TNR: variants seen among roughly 807,000 people sequenced by gnomAD.
TNR encodes tenascin-R.
In TNR, 45 loss-of-function variants were observed where a neutral mutation model predicts 150.4. That is an observed-to-expected ratio of 0.30 (90% CI 0.24 to 0.38). The LOEUF is 0.38. Ranked by LOEUF, TNR falls within the 10% of genes least tolerant of loss-of-function variation. The pLI, the probability that TNR is intolerant of heterozygous loss-of-function variation, is 1.00. For synonymous variants in TNR, 687 were observed against 678.4 expected, an observed-to-expected ratio of 1.01 and a Z score of -0.20; for missense variants, 1,544 against 1,759.1, an observed-to-expected ratio of 0.88 and a Z score of 2.19.
chr1:175,515,948 G>A (rs1659388800), intron 2 of TNR, among the ~76,000 whole-genome samples: 2 of 152,228 alleles, frequency 1.3e-5, no homozygotes, highest in Admixed American at 1.3e-4. Flanking sequence ...AAACCTGGAA[G>A]GTTCTTGTTG....
In TNR at chr1:175,529,766, C is replaced by G. The variant is rs181728198; in HGVS notation, c.-164-1397G>C. On this transcript the variant is annotated intron_variant, in intron 1 of 22. Coordinates refer to ENST00000367674, the MANE Select transcript of TNR (RefSeq NM_003285.3). ...CAACTCCCCCTCCTGTTTGCTTCCA[C>G]CCACTGACCTTTCTTTTCCTCATCC... Among the ~76,000 whole-genome samples, 998 of 152,290 alleles carry G rather than the reference C, an allele frequency of 6.6e-3. 7 individuals are homozygous for G. The highest frequency in any genetic ancestry group is 0.01 in the Non-Finnish European group (706 of 68,026).
chr1:175,728,182 T>C (rs1027534673), intron 1 of TNR, among the ~76,000 whole-genome samples: 1 of 152,164 alleles, frequency 6.6e-6, no homozygotes, highest in Admixed American at 6.5e-5. Context: ...TGGTGGACTC[T>C]AAGCCTCGTA....
At chr1:175,674,734 G>T (rs1163753967) in intron 1 of TNR, among the ~76,000 whole-genome samples, 1 of 152,164 alleles carries the variant, frequency 6.6e-6, no homozygotes. Context: ...TCCCTGGGTA[G>T]TTCCTCCCCA....
chr1:175,668,210 T>G (rs567535078), intron 1 of TNR, among the ~76,000 whole-genome samples: 45 of 152,242 alleles, frequency 3.0e-4, no homozygotes, highest in Non-Finnish European at 6.2e-4. Context: ...GAAATTTGCT[T>G]GAGGGAAATT....
intron 18 of TNR, among the ~76,000 whole-genome samples, chr1:175,351,936 A>G (rs1651072699): frequency 6.6e-6 from 1 of 152,202 alleles, no homozygotes; most frequent in Non-Finnish European, 1.5e-5. Flanking sequence ...CCTGGTGTCA[A>G]CTGGAGTCTT....
intron 1 of TNR, among the ~76,000 whole-genome samples, chr1:175,734,045 TATGAGAAGG>T (rs1257164049): frequency 3.6e-4 from 55 of 152,280 alleles, no homozygotes; most frequent in Admixed American, 9.8e-4. Context: ...CTGGTGACAG[TATGAGAAGG>T]GAACAGGGCT....
intron 2 of TNR, among the ~76,000 whole-genome samples, chr1:175,449,097 C>T (rs968530998): frequency 6.7e-6 from 1 of 148,532 alleles, no homozygotes; most frequent in African/African-American, 2.6e-5. Context: ...TGCAAAGACT[C>T]TGAACTGTCT....
intron 4 of TNR, among the ~76,000 whole-genome samples, chr1:175,398,611 T>G (rs10912969): frequency 0.46 from 69,536 of 151,876 alleles, 16,204 homozygotes; most frequent in East Asian, 0.65. Context: ...GCTAACCACT[T>G]TTACATAGAT....
chr1:175,459,427 G>C (rs1416186376), intron 2 of TNR, among the ~76,000 whole-genome samples: 6 of 152,208 alleles, frequency 3.9e-5, no homozygotes, highest in Admixed American at 3.9e-4. Flanking sequence ...TCACACCAGT[G>C]CAAAATGAGT....
At chr1:175,385,528 A>G (rs533959647) in intron 8 of TNR, among the ~76,000 whole-genome samples, 1 of 152,306 alleles carries the variant, frequency 6.6e-6, no homozygotes, top group South Asian at 2.1e-4. Context: ...ATTGGTCAGA[A>G]GTTCTGCTTA....
chr1:175,350,814 G>C (rs1314502262), intron 18 of TNR, among the ~76,000 whole-genome samples: 1 of 152,124 alleles, frequency 6.6e-6, no homozygotes, highest in Non-Finnish European at 1.5e-5. Context: ...TGCTTACAAT[G>C]AACCTCTTAT....
rs1654106154 is a variant in TNR, at chr1:175,409,410, G to A, written c.-63-2633C>T. On this transcript the variant is annotated intron_variant, in intron 2 of 22. Transcript: ENST00000367674. ...GACAGGGAAATTAAGAGAGAAAAATGTTAGGTCCTACACTTTTAGGTCCAA... is the reference window on the plus strand; with the variant it reads ...GACAGGGAAATTAAGAGAGAAAAATATTAGGTCCTACACTTTTAGGTCCAA... Among the ~76,000 whole-genome samples the A allele has an allele frequency of 2.0e-5, 3 of 152,094 alleles. No homozygotes were observed. In the South Asian group the frequency reaches 6.2e-4, roughly 32 times the overall value.
chr1:175,365,759 A>G (rs1424426672), intron 11 of TNR, 116 bp downstream of exon 11: 17 of 1,439,782 alleles, frequency 1.2e-5, no homozygotes, highest in Non-Finnish European at 1.5e-5. Flanking sequence ...TTTTCTACCC[A>G]CCTCTCTTTT....
chr1:175,441,795 T>C (rs1019065925), intron 2 of TNR, among the ~76,000 whole-genome samples: 1 of 152,264 alleles, frequency 6.6e-6, no homozygotes, highest in South Asian at 2.1e-4. Context: ...CTCAGTGACT[T>C]AGCCCAAAAA....
chr1:175,600,109 A>G (rs552328185), intron 1 of TNR, among the ~76,000 whole-genome samples: 1 of 152,260 alleles, frequency 6.6e-6, no homozygotes, highest in African/African-American at 2.4e-5. Flanking sequence ...CAGTTTTACC[A>G]CTTGTATTAG....
In TNR at chr1:175,365,080, C is replaced by G. The variant is rs143313777; in HGVS notation, c.2517G>C (p.Glu839Asp). The G allele has an allele frequency of 2.7e-4, 431 of 1,614,004 alleles. No homozygotes were observed. Among genetic ancestry groups the G allele is most frequent in the Non-Finnish European group, 3.4e-4 (396 of 1,180,012 alleles). The change falls in exon 12 of 23, where the codon GAG (glutamate) becomes GAC (aspartate). Residue 839 changes from glutamate (E) to aspartate (D), a missense_variant. This residue lies in a region of TNR where 1,254 missense variants were observed against 1,329.4 expected (regional missense o/e 0.94). Coordinates refer to ENST00000367674, the MANE Select transcript of TNR (RefSeq NM_003285.3). ...AVLMGLQPATEYIVNLVAVHG... is the reference protein window; with the variant it reads ...AVLMGLQPATDYIVNLVAVHG... ...GGACAGCCACAAGGTTCACAATATA[C>G]TCTGTGGCTGGTTGCAGGCCCATCA...
intron 2 of TNR, among the ~76,000 whole-genome samples, chr1:175,453,972 T>C (rs1324195347): frequency 6.6e-6 from 1 of 152,044 alleles, no homozygotes; most frequent in Non-Finnish European, 1.5e-5. Flanking sequence ...GTGGACAGGG[T>C]GAATTTTTTC....
chr1:175,353,203 C>T (rs944755822), intron 18 of TNR, among the ~76,000 whole-genome samples: 4 of 152,158 alleles, frequency 2.6e-5, no homozygotes, highest in Non-Finnish European at 4.4e-5. Context: ...AAACATCTGG[C>T]GTCAAATTCC....
intron 1 of TNR, among the ~76,000 whole-genome samples, chr1:175,605,315 T>C (rs1358165154): frequency 1.3e-5 from 2 of 152,208 alleles, no homozygotes; most frequent in African/African-American, 4.8e-5. Context: ...CCTATCTCAC[T>C]GTTGAGAGGT....
Sources: allele counts gnomAD v4.1 joint callset (sites outside exome capture counted in the v4.1 genomes callset), GRCh38; gene constraint gnomAD v4.1.1; regional missense constraint gnomAD v4.1.1; transcripts MANE v1.5; gene names NCBI Gene and HGNC (gene_info 2026-07-23, HGNC 2026-07-21).